Variants in OTOG observed in about 807,000 individuals in gnomAD.
The protein encoded by OTOG is otogelin.
Under a neutral mutation model 313.8 loss-of-function variants are expected in OTOG, and 296 were observed. That is an observed-to-expected ratio of 0.94 (90% confidence interval 0.86 to 1.04). The LOEUF (loss-of-function observed/expected upper bound fraction) is 1.04. OTOG is among the 50% of genes least tolerant of loss of function. OTOG has a pLI of 0.00. For synonymous variants in OTOG, 1,533 were observed against 1,554.9 expected (o/e 0.99, Z 0.33); for missense variants, 3,948 against 3,840.1 (o/e 1.03, Z -0.74).
intron 15 of OTOG, among the ~76,000 whole-genome samples, chr11:17,568,842 T>C (rs531255592): frequency 6.6e-6 from 1 of 152,308 alleles, no homozygotes; most frequent in Non-Finnish European, 1.5e-5. Flanking sequence ...GGGAGGCCAG[T>C]GTTTCTCAGG....
chr11:17,604,111 G>A lies in OTOG; in HGVS notation c.3877+1734G>A, dbSNP rs114262070. Among the ~76,000 whole-genome samples the A allele has an allele frequency of 4.2e-3, 641 of 152,268 alleles. 3 individuals are homozygous for A. Among genetic ancestry groups the A allele is most frequent in the African/African-American group, 0.015 (617 of 41,554 alleles). ...GGTGCAGTGCTTGTTAGTGACAGGC[G>A]CCAGCCGTTTGGCTCCAGAGTCTTT... On this transcript the variant is annotated intron_variant, in intron 32 of 55. Coordinates refer to ENST00000399397, the MANE Select transcript of OTOG (RefSeq NM_001292063.2).
rs1466471557 is a variant in OTOG, at chr11:17,591,500, C to T, written c.2918C>T (p.Thr973Ile). 5.8e-6 allele frequency: 9 copies of T among 1,550,622 alleles called. No individual in the cohort carries two copies. The highest frequency in any genetic ancestry group is 7.8e-6 in the Non-Finnish European group (9 of 1,147,044). ...FQCTLHPCAS[T>I]CTAYGDRHYR... ...TGCACCCTGCACCCTTGCGCCTCCA[C>T]CTGCACTGCCTATGGGGACCGGCAT... Residue 973 changes from threonine (T) to isoleucine (I), a missense_variant, in exon 25 of 56, where the codon ACC becomes ATC. Thr to Ile is a moderately conservative substitution (Grantham distance 89). Transcript: ENST00000399397.
Position 17,610,296 on chromosome 11 carries a change from G to A in OTOG, c.4996G>A (p.Ala1666Thr). ...CCCCACCTCCTCGGGATCCCACAAG[G>A]CTGTGCTGACACCTGCAGTAACTAA... ...RSPTSSGSHK[A>T]VLTPAVTKVI... is the part of the protein sequence containing the mutation. The change falls in exon 36 of 56, where the codon GCT (alanine) becomes ACT (threonine). Residue 1666 changes from alanine (A) to threonine (T), a missense_variant. Transcript: ENST00000399397. 1.3e-6 allele frequency: 2 copies of A among 1,550,652 alleles called. No homozygotes were observed. The highest frequency in any genetic ancestry group is 1.7e-6 in the Non-Finnish European group (2 of 1,147,000).
intron 44 of OTOG, among the ~76,000 whole-genome samples, chr11:17,634,590 C>T (rs182350600): frequency 1.1e-4 from 17 of 152,248 alleles, no homozygotes; most frequent in South Asian, 2.1e-4. Flanking sequence ...AGCTGAAGAT[C>T]GATCGGGCCC....
chr11:17,606,759 G>T (rs1853400619), intron 33 of OTOG, among the ~76,000 whole-genome samples: 1 of 152,218 alleles, frequency 6.6e-6, no homozygotes, highest in South Asian at 2.1e-4. Context: ...GTGTCTGTGG[G>T]TGGATCCATT....
chr11:17,551,667 T>A lies in OTOG; in HGVS notation c.217-333T>A, dbSNP rs373046717. ...TGTAAGGCTGTGGAGGACATAAGGG[T>A]TTACTGGGAGAGAGGGAAGAAAAGG... On this transcript the variant is annotated intron_variant, in intron 3 of 55. Coordinates refer to ENST00000399397, the MANE Select transcript of OTOG (RefSeq NM_001292063.2). 5.0e-4 allele frequency among the ~76,000 whole-genome samples: 76 copies of A among 151,762 alleles called. No homozygotes were observed. In the East Asian group the frequency reaches 9.3e-3, roughly 19 times the overall value.
At chr11:17,563,089 A>T (rs1405615561) in intron 15 of OTOG, among the ~76,000 whole-genome samples, 1 of 152,212 alleles carries the variant, frequency 6.6e-6, no homozygotes, top group Admixed American at 6.5e-5. Context: ...TTCCTGGAAG[A>T]CATGACCCTT....
In OTOG at chr11:17,553,123, G is replaced by T. The variant is rs1350841481; in HGVS notation, c.297G>T (p.Leu99Phe). 1.3e-6 allele frequency: 2 copies of T among 1,550,516 alleles called. No homozygotes were observed. Among genetic ancestry groups the T allele is most frequent in the Non-Finnish European group, 1.7e-6 (2 of 1,146,978 alleles). Residue 99 changes from leucine (L) to phenylalanine (F), a missense_variant, in exon 5 of 56, where the codon TTG becomes TTT. Coordinates refer to ENST00000399397, the MANE Select transcript of OTOG (RefSeq NM_001292063.2). ...LHRAKCAPSY[L>F]FSCFNGGECV... ...GACTCTGTGTCTCCCATGCAGACTT[G>T]TTCTCCTGCTTCAATGGAGGCGAGT...
rs1851831338 is a variant in OTOG, at chr11:17,547,437, C to A, written c.65C>A (p.Ala22Glu). 7.2e-7 allele frequency: 1 copy of A among 1,390,476 alleles called. No individual in the cohort carries two copies. The highest frequency in any genetic ancestry group is 1.5e-5 in the African/African-American group (1 of 66,598). The allele number at this position is 1,390,476 out of a possible 1,614,324, so 86.1% of individuals were successfully genotyped here. Residue 22 changes from alanine (A) to glutamate (E), a missense_variant, in exon 1 of 56, where the codon GCA becomes GAA. Coordinates refer to ENST00000399397, the MANE Select transcript of OTOG (RefSeq NM_001292063.2). The part of the protein sequence containing the change: ...LCVWLPWGEQ[A>E]AESLRVQRLA... ...GTCTGGCTGCCCTGGGGTGAGCAGG[C>A]AGCCGAGTCCCTGCGGGTGCAGCGC...
chr11:17,633,159 A>G (rs1218679949), intron 42 of OTOG, among the ~76,000 whole-genome samples: 1 of 152,268 alleles, frequency 6.6e-6, no homozygotes, highest in East Asian at 1.9e-4. Context: ...CCACAATGAT[A>G]CCTCAAAAAC....
intron 15 of OTOG, among the ~76,000 whole-genome samples, chr11:17,564,344 A>G (rs1415671534): frequency 6.6e-6 from 1 of 152,240 alleles, no homozygotes. Context: ...ATAGGTCAGA[A>G]AAAAGGATCA....
chr11:17,562,033 T>C (rs1011650518), intron 15 of OTOG, among the ~76,000 whole-genome samples: 1 of 122,188 alleles, frequency 8.2e-6, no homozygotes, highest in Non-Finnish European at 1.6e-5. Context: ...AGGATTTTAC[T>C]ACCTAAAAAA....
chr11:17,610,579 C>G lies in OTOG; in HGVS notation c.5279C>G (p.Thr1760Ser). ...CCAGCCCAGCATACCACCATGGCCA[C>G]CAGGTCTCCAGCTCTGCCCCCAGAG... ...PRPAQHTTMA[T>S]RSPALPPETP... Residue 1760 changes from threonine to serine, a missense_variant, in exon 36 of 56, where the codon ACC (threonine) becomes AGC (serine). Coordinates refer to ENST00000399397, the MANE Select transcript of OTOG (RefSeq NM_001292063.2). 1 of 1,550,598 alleles carries G rather than the reference C, an allele frequency of 6.4e-7. No individual in the cohort carries two copies. Among genetic ancestry groups the G allele is most frequent in the Non-Finnish European group, 8.7e-7 (1 of 1,146,930 alleles).
chr11:17,621,023 A>G (rs1853852335), intron 39 of OTOG, among the ~76,000 whole-genome samples: 1 of 152,168 alleles, frequency 6.6e-6, no homozygotes. Flanking sequence ...AGTTAAAACA[A>G]TTTTAAAAAT....
rs771404689 is a variant in OTOG at position 17,574,889 on chromosome 11, C to G, written c.2463C>G (p.Thr821=). ...CACPPDTYLD[T]QADLCVPRNQ... is the part of the protein sequence containing the mutation. ...GCCCACCGGACACCTATCTGGACAC[C>G]CAGGCTGACCTCTGTGTCCCCCGGT... is the stretch of plus-strand genomic sequence containing the variant. Residue 821 remains threonine (T), a synonymous_variant, in exon 20 of 56, where the codon ACC becomes ACG. Coordinates refer to ENST00000399397, the MANE Select transcript of OTOG (RefSeq NM_001292063.2). 82 of 1,526,380 alleles carry G rather than the reference C, an allele frequency of 5.4e-5. No homozygotes were observed. The highest frequency in any genetic ancestry group is 6.6e-5 in the Non-Finnish European group (75 of 1,133,378). 94.6% of individuals were successfully genotyped at this position (1,526,380 alleles called of 1,614,324 possible). A position where few individuals can be genotyped will look rare whatever the true frequency, so the allele number is the denominator to read the frequency against.
At position 17,638,785 on chromosome 11, in the gene OTOG, G is replaced by C. The variant is rs1429467929; in HGVS notation, c.7894+236G>C. The C allele has an allele frequency of 2.6e-6, 4 of 1,512,606 alleles. No homozygotes were observed. The Admixed American group carries it at 8.1e-5, about 30-fold the overall frequency. 93.7% of individuals were successfully genotyped at this position (1,512,606 alleles called of 1,614,324 possible). On this transcript the variant is annotated intron_variant, in intron 48 of 55. Transcript: ENST00000399397. ...GAAAAAGCAAGTTTCCCATTCCAAA[G>C]AGGGTTTCCGTCTTAAAAAGTCCTT...
chr11:17,601,507 G>A (rs1853249624), intron 31 of OTOG, among the ~76,000 whole-genome samples: 1 of 151,472 alleles, frequency 6.6e-6, no homozygotes, highest in Admixed American at 6.6e-5. Context: ...GTGGGCAGGG[G>A]CTGAGGGCTG....
At chr11:17,573,527 C>T (rs1256922945) in intron 19 of OTOG, among the ~76,000 whole-genome samples, 1 of 152,226 alleles carries the variant, frequency 6.6e-6, no homozygotes, top group Non-Finnish European at 1.5e-5. Flanking sequence ...CGCTTACTTC[C>T]AGTCCATCTC....
At position 17,602,313 on chromosome 11, in the gene OTOG, T is replaced by A. The variant is rs1853275446; in HGVS notation, c.3813T>A (p.Asp1271Glu). ...ACATAGTCCTAGTGAGGACAGAGGA[T>A]GTGGCGCCAGCAGACATTGTGAGCT... ...GDDIVLVRTE[D>E]VAPADIVSFL... Residue 1271 changes from aspartate to glutamate, a missense_variant, in exon 32 of 56, where the codon GAT becomes GAA. By Grantham distance (45) the Asp-to-Glu change is conservative. Coordinates refer to ENST00000399397, the MANE Select transcript of OTOG (RefSeq NM_001292063.2). 5 of 1,550,438 alleles carry A rather than the reference T, an allele frequency of 3.2e-6. No homozygotes were observed. The African/African-American group carries it at 6.8e-5, about 21-fold the overall frequency.
Sources: gnomAD v4.1 joint callset for allele counts (sites outside exome capture counted in the v4.1 genomes callset) on GRCh38, gnomAD v4.1.1 for gene constraint, MANE v1.5 for transcripts, NCBI Gene and HGNC (gene_info 2026-07-23, HGNC 2026-07-21) for gene names.